TAB2: variants seen among roughly 807,000 people sequenced by gnomAD.
TAB2 encodes the protein TGF-beta-activated kinase 1 and MAP3K7-binding protein 2.
Under a neutral mutation model 65.0 loss-of-function variants are expected in TAB2, and 3 were observed. That is an observed-to-expected ratio of 0.05 (90% CI 0.02 to 0.12). The LOEUF (loss-of-function observed/expected upper bound fraction) is 0.12. Among genes scored for constraint, TAB2 ranks in the 10% least tolerant of loss-of-function variants. The pLI is 1.00. For missense variants in TAB2, 623 were observed against 840.3 expected, an observed-to-expected ratio of 0.74 and a Z score of 3.20; for synonymous variants, 298 against 285.1, an observed-to-expected ratio of 1.05 and a Z score of -0.46.
chr6:149,339,849 C>T (rs1008675886), intron 1 of TAB2, among the ~76,000 whole-genome samples: 1 of 151,992 alleles, frequency 6.6e-6, no homozygotes, highest in Admixed American at 6.6e-5. Flanking sequence ...GTGATCCACC[C>T]GCCTCAGCCT....
chr6:149,381,434 A>G (rs113181174), intron 3 of TAB2, among the ~76,000 whole-genome samples: 1,787 of 152,238 alleles, frequency 0.012, 32 homozygotes, highest in African/African-American at 0.041. Flanking sequence ...ATTTTTTATG[A>G]AGATAATTTG....
At chr6:149,351,091 T>C (rs1780475590) in intron 1 of TAB2, among the ~76,000 whole-genome samples, 1 of 151,988 alleles carries the variant, frequency 6.6e-6, no homozygotes, top group African/African-American at 2.4e-5. Flanking sequence ...TTTTATACTT[T>C]AAGTTCCTAT....
chr6:149,362,489 T>A (rs765035466), intron 1 of TAB2, among the ~76,000 whole-genome samples: 1 of 152,166 alleles, frequency 6.6e-6, no homozygotes, highest in Non-Finnish European at 1.5e-5. Context: ...AAACCACTTA[T>A]GAGAAATCCG....
At chr6:149,323,580 C>T (rs1307126614) in intron 1 of TAB2, among the ~76,000 whole-genome samples, 1 of 152,132 alleles carries the variant, frequency 6.6e-6, no homozygotes, top group African/African-American at 2.4e-5. Context: ...AGCATCCCAC[C>T]TCCCATCTTC....
At chr6:149,389,637 C>G (rs1389469892) in intron 3 of TAB2, among the ~76,000 whole-genome samples, 2 of 125,266 alleles carry the variant, frequency 1.6e-5, no homozygotes, top group Admixed American at 8.2e-5. Flanking sequence ...AAGAGTAAAA[C>G]TCTGTGTCAA....
Position 149,379,165 on chromosome 6 carries a change from C to T in TAB2, c.1250C>T (p.Ala417Val), listed in dbSNP as rs147099781. 3 of 1,614,128 alleles carry T rather than the reference C, an allele frequency of 1.9e-6. No individual in the cohort carries two copies. The African/African-American group carries it at 4.0e-5, about 22-fold the overall frequency. Residue 417 changes from alanine to valine, a missense_variant, in exon 3 of 7, where the codon GCT becomes GTT. This residue lies in a region of TAB2 where 550 missense variants were observed against 665.7 expected (regional missense o/e 0.83). Transcript: ENST00000637181. Reference sequence around the variant, plus strand: ...ATATCCACAAACTCTGGAGCATCTGCTGCCTCCAGGAACATGTCTGGGCAA... The same window carrying T: ...ATATCCACAAACTCTGGAGCATCTGTTGCCTCCAGGAACATGTCTGGGCAA... ...LFISTNSGASAASRNMSGQVS... is the reference protein window; with the variant it reads ...LFISTNSGASVASRNMSGQVS...
At chr6:149,266,882 A>G (rs1450151890) in intron 1 of TAB2, among the ~76,000 whole-genome samples, 3 of 152,208 alleles carry the variant, frequency 2.0e-5, no homozygotes, top group Admixed American at 2.0e-4. Context: ...ACGAACATAA[A>G]GGATTGTAGA....
At chr6:149,347,207 A>T (rs940580487) in intron 1 of TAB2, 4 of 152,200 alleles carry the variant, frequency 2.6e-5, no homozygotes, top group African/African-American at 9.6e-5. Flanking sequence ...CAGTACATAA[A>T]TTGCCAAGTG....
chr6:149,293,527 C>A (rs1778817654), intron 1 of TAB2, among the ~76,000 whole-genome samples: 1 of 152,148 alleles, frequency 6.6e-6, no homozygotes. Context: ...TGAATCTTTG[C>A]ACATTCCAAT....
intron 1 of TAB2, among the ~76,000 whole-genome samples, chr6:149,232,046 G>GGTC (rs1777415695): frequency 6.6e-6 from 1 of 152,140 alleles, no homozygotes. Flanking sequence ...ATCAGAAACA[G>GGTC]AAATTTGAGG....
Position 149,312,294 on chromosome 6 carries a change from A to G in TAB2, c.-120-65724A>G, listed in dbSNP as rs572845969. Among the ~76,000 whole-genome samples the G allele has an allele frequency of 8.5e-5, 13 of 152,358 alleles. No homozygotes were observed. The South Asian group carries it at 2.5e-3, about 29-fold the overall frequency. ...TGTTAGAGAAATAAGATAAAAATGA[A>G]TGAATGATGCTCTTCCTTCACATCA... is the stretch of plus-strand genomic sequence containing the variant. On this transcript the variant is annotated intron_variant, in intron 1 of 1. Coordinates refer to the TAB2 transcript ENST00000606202.
intron 1 of TAB2, among the ~76,000 whole-genome samples, chr6:149,277,119 C>T (rs1165202510): frequency 1.3e-5 from 2 of 152,190 alleles, no homozygotes; most frequent in African/African-American, 2.4e-5. Flanking sequence ...CCTCCCCAGC[C>T]ATGTGGGACT....
intron 1 of TAB2, among the ~76,000 whole-genome samples, chr6:149,232,039 A>G (rs1172711869): frequency 6.6e-6 from 1 of 152,204 alleles, no homozygotes; most frequent in African/African-American, 2.4e-5. Flanking sequence ...TGTGAGGATC[A>G]GAAACAGAAA....
intron 1 of TAB2, chr6:149,229,986 C>T (rs1243387310): frequency 6.6e-6 from 1 of 152,148 alleles, no homozygotes; most frequent in African/African-American, 2.4e-5. Flanking sequence ...AACACCTCTC[C>T]CAGAAGTGGG....
intron 1 of TAB2, among the ~76,000 whole-genome samples, chr6:149,302,606 T>A (rs1194125480): frequency 1.3e-5 from 2 of 152,244 alleles, no homozygotes; most frequent in Non-Finnish European, 2.9e-5. Context: ...ACTCTTCTGA[T>A]GATGGAGGAG....
intron 1 of TAB2, chr6:149,318,464 G>T (rs1210785649): frequency 6.6e-6 from 1 of 151,890 alleles, no homozygotes; most frequent in East Asian, 1.9e-4. Flanking sequence ...ATGACTCAGG[G>T]GCGGGGGTTT....
At chr6:149,299,514 G>C (rs1778934554) in intron 1 of TAB2, among the ~76,000 whole-genome samples, 1 of 152,234 alleles carries the variant, frequency 6.6e-6, no homozygotes, top group Non-Finnish European at 1.5e-5. Context: ...GGAGGCTGCA[G>C]TGAGCTGAGA....
chr6:149,358,669 T>TGTGTGTGTGTGTGTGTGTGC (rs1780749500), intron 1 of TAB2, among the ~76,000 whole-genome samples: 6 of 151,714 alleles, frequency 4.0e-5, no homozygotes, highest in Non-Finnish European at 7.4e-5. Context: ...TGTGTGTGTG[T>TGTGTGTGTGTGTGTGTGTGC]GTGTTTTCAG....
chr6:149,364,545 T>C (rs1475970427), intron 1 of TAB2, among the ~76,000 whole-genome samples: 1 of 151,924 alleles, frequency 6.6e-6, no homozygotes, highest in Non-Finnish European at 1.5e-5. Context: ...TGTATTTATG[T>C]GCCTTTAACC....
Sources: gnomAD v4.1 joint callset for allele counts (sites outside exome capture counted in the v4.1 genomes callset) on GRCh38, gnomAD v4.1.1 for gene constraint, gnomAD v4.1.1 regional missense constraint, MANE v1.5 for transcripts, NCBI Gene and HGNC (gene_info 2026-07-23, HGNC 2026-07-21) for gene names.